Variants in NDRG4 observed in about 807,000 individuals in gnomAD.
NDRG4 encodes the protein NDRG family member 4.
Under a neutral mutation model 55.8 loss-of-function variants are expected in NDRG4, and 38 were observed. That is an observed-to-expected ratio of 0.68 (90% CI 0.53 to 0.89). NDRG4 has a LOEUF of 0.89. NDRG4 is among the 40% of genes least tolerant of loss of function. NDRG4 has a pLI of 0.00. For synonymous variants in NDRG4, 190 were observed against 182.7 expected (o/e 1.04, Z -0.32); for missense variants, 455 against 468.6 (o/e 0.97, Z 0.27).
At chr16:58,492,245 G>A (rs1368530007) in intron 2 of NDRG4, among the ~76,000 whole-genome samples, 1 of 152,072 alleles carries the variant, frequency 6.6e-6, no homozygotes, top group Non-Finnish European at 1.5e-5. Flanking sequence ...GGGTTCCTCT[G>A]CTCCTATGTC....
chr16:58,506,016 C>G, intron 5 of NDRG4: 2 of 351,512 alleles, frequency 5.7e-6, no homozygotes, highest in Non-Finnish European at 1.1e-5. Context: ...GCCACGGCGC[C>G]TGGCCAGGGC....
chr16:58,464,983 C>T lies in NDRG4; in HGVS notation c.-24+1186C>T. 4.9e-6 allele frequency: 6 copies of T among 1,212,874 alleles called. No individual in the cohort carries two copies. The highest frequency in any genetic ancestry group is 5.8e-5 in the East Asian group (1 of 17,208). 75.1% of individuals were successfully genotyped at this position (1,212,874 alleles called of 1,614,324 possible). A position where few individuals can be genotyped will look rare whatever the true frequency, so the allele number is the denominator to read the frequency against. On this transcript the variant is annotated intron_variant, in intron 1 of 15. Transcript: ENST00000258187. This position sits in a 1 kb window ranked among gnomAD's most constrained non-coding sequence, Gnocchi z 4.8. ...ACTGGGGACCCTCAGCCTTGGGGCT[C>T]CTCTGGAGAAGTGATCAGTTGCCCT...
chr16:58,465,579 G>C (rs1187172638), intron 1 of NDRG4, among the ~76,000 whole-genome samples: 1 of 143,398 alleles, frequency 7.0e-6, no homozygotes. Flanking sequence ...GTGGGGGTGG[G>C]GTACGTTGGG....
At chr16:58,467,824 G>A (rs1335716222) in intron 1 of NDRG4, among the ~76,000 whole-genome samples, 3 of 152,212 alleles carry the variant, frequency 2.0e-5, no homozygotes, top group South Asian at 2.1e-4. Context: ...AGCTTCTGGC[G>A]GGCGGATAGT....
At chr16:58,511,234 G>T (rs1287218236) in intron 14 of NDRG4, 188 bp from the exon 15 acceptor site, 1 of 652,130 alleles carries the variant, frequency 1.5e-6, no homozygotes, top group East Asian at 2.7e-5. Context: ...AGCCCCCTAG[G>T]CCCACTCACT....
At chr16:58,495,496 G>A (rs139045718), upstream of NDRG4, 583 of 157,816 alleles carry the variant, frequency 3.7e-3, 5 homozygotes, top group African/African-American at 0.013. Context: ...ACCCTGCTGG[G>A]TTCTGGGGCC....
intron 5 of NDRG4, among the ~76,000 whole-genome samples, chr16:58,505,443 A>T (rs1000323998): frequency 6.6e-6 from 1 of 150,726 alleles, no homozygotes; most frequent in African/African-American, 2.4e-5. Flanking sequence ...ACAAAAACCC[A>T]AAAGACTAAT....
chr16:58,486,662 C>T (rs2035113572), intron 1 of NDRG4, among the ~76,000 whole-genome samples: 1 of 150,082 alleles, frequency 6.7e-6, no homozygotes, highest in Non-Finnish European at 1.5e-5. Context: ...TTGTGGGGTC[C>T]TGGGACCCTC....
At chr16:58,474,600 ATT>A in intron 1 of NDRG4, among the ~76,000 whole-genome samples, 1 of 152,118 alleles carries the variant, frequency 6.6e-6, no homozygotes, top group Non-Finnish European at 1.5e-5. Flanking sequence ...CACTCTGTGA[ATT>A]TACTTAGGTT....
At chr16:58,484,674 G>A (rs574927573) in intron 1 of NDRG4, among the ~76,000 whole-genome samples, 227 of 152,278 alleles carry the variant, frequency 1.5e-3, no homozygotes, top group Middle Eastern at 3.4e-3. Context: ...AGCTGGGCAG[G>A]GCGGCTCCTG....
intron 1 of NDRG4, among the ~76,000 whole-genome samples, chr16:58,471,341 G>A (rs1168321961): frequency 1.3e-5 from 2 of 151,976 alleles, no homozygotes; most frequent in African/African-American, 4.8e-5. Context: ...ACCAGCAGGG[G>A]TGTGTGCAGA....
chr16:58,477,146 GAT>G (rs982648478), intron 1 of NDRG4, among the ~76,000 whole-genome samples: 4 of 150,220 alleles, frequency 2.7e-5, no homozygotes, highest in South Asian at 2.1e-4. Context: ...ATATATGTGT[GAT>G]ATATATATAT....
At chr16:58,496,256 G>A (rs2036400865), upstream of NDRG4, among the ~76,000 whole-genome samples, 1 of 152,012 alleles carries the variant, frequency 6.6e-6, no homozygotes. Flanking sequence ...CTGCTGCGAA[G>A]CTGCCTCTGG....
At chr16:58,498,409 G>A (rs1158030627), upstream of NDRG4, among the ~76,000 whole-genome samples, 1 of 152,176 alleles carries the variant, frequency 6.6e-6, no homozygotes, top group Non-Finnish European at 1.5e-5. Context: ...GACATGACCA[G>A]CAATAGTGTA....
chr16:58,468,284 C>T (rs1819286356), intron 1 of NDRG4, among the ~76,000 whole-genome samples: 2 of 152,212 alleles, frequency 1.3e-5, no homozygotes, highest in Admixed American at 1.3e-4. Flanking sequence ...CGGGGTCTTG[C>T]TGCAACAGGG....
chr16:58,487,710 G>A (rs1351466486), intron 1 of NDRG4: 1 of 1,421,268 alleles, frequency 7.0e-7, no homozygotes, highest in East Asian at 2.7e-5. Flanking sequence ...TTCTCCGCCC[G>A]GGCGTCCCCG....
chr16:58,481,341 G>C (rs2034364750), intron 1 of NDRG4, among the ~76,000 whole-genome samples: 1 of 152,184 alleles, frequency 6.6e-6, no homozygotes, highest in Non-Finnish European at 1.5e-5. Flanking sequence ...CATGAAGAAA[G>C]GCATGTGCTT....
chr16:58,506,225 A>G (rs767986534), intron 5 of NDRG4, 162 bp from the exon 6 acceptor site: 6 of 726,714 alleles, frequency 8.3e-6, no homozygotes, highest in Non-Finnish European at 1.5e-5. Context: ...TGAAGGGTTC[A>G]GTGAGAGGAG....
chr16:58,503,993 GC>G, intron 2 of NDRG4, 90 bp downstream of exon 2: 3 of 1,531,454 alleles, frequency 2.0e-6, no homozygotes, highest in Non-Finnish European at 2.7e-6. Flanking sequence ...GGCCCTGTCA[GC>G]CCCACTCACA....
Sources: gnomAD v4.1 joint callset for allele counts (sites outside exome capture counted in the v4.1 genomes callset) on GRCh38, gnomAD v4.1.1 for gene constraint, Gnocchi (gnomAD v3.1) non-coding constraint, MANE v1.5 for transcripts, NCBI Gene and HGNC (gene_info 2026-07-23, HGNC 2026-07-21) for gene names.